The following FOXP2 variants were observed in gnomAD, a reference collection of about 807,000 sequenced individuals.
The protein encoded by FOXP2 is forkhead box protein P2.
Under a neutral mutation model 115.8 loss-of-function variants are expected in FOXP2, and 12 were observed. The ratio of observed to expected loss-of-function variants is 0.10; its 90% CI spans 0.07 to 0.17. The LOEUF is 0.17. FOXP2 is among the 10% of genes least tolerant of loss of function. The probability of loss-of-function intolerance (pLI) is 1.00; values close to 1 mark genes in which losing one functional copy is unlikely to be tolerated. For synonymous variants in FOXP2, 328 were observed against 297.7 expected, an observed-to-expected ratio of 1.10 and a Z score of -1.05; for missense variants, 629 against 843.5, an observed-to-expected ratio of 0.75 and a Z score of 3.15.
In FOXP2 at chr7:114,426,665, C is replaced by T. The variant is rs1258244121; in HGVS notation, c.154C>T (p.Leu52=). ...AGTAAGCACAGTAGAACTGCTGCAT[C>T]TGCAACAACAGCAGGTAAGTTTTGT... ...SEVSTVELLH[L]QQQQALQAAR... The change falls in exon 2 of 17, where the codon CTG becomes TTG. Residue 52 remains leucine, a synonymous_variant. Coordinates refer to ENST00000350908, the MANE Select transcript of FOXP2 (RefSeq NM_014491.4). 6 of 1,611,082 alleles carry T rather than the reference C, an allele frequency of 3.7e-6. No individual in the cohort carries two copies. The Admixed American group carries it at 1.0e-4, about 27-fold the overall frequency.
chr7:114,434,989 C>A (rs1020730195), intron 2 of FOXP2, among the ~76,000 whole-genome samples: 2 of 152,122 alleles, frequency 1.3e-5, no homozygotes, highest in African/African-American at 2.4e-5. Flanking sequence ...CCCAAAATGT[C>A]CCACCTTATT....
Position 114,644,714 on chromosome 7 carries a change from A to C in FOXP2, c.1019A>C (p.His340Pro). The C allele has an allele frequency of 6.2e-7, 1 of 1,613,880 alleles. No homozygotes were observed. Among genetic ancestry groups the C allele is most frequent in the Non-Finnish European group, 8.5e-7 (1 of 1,179,916 alleles). Residue 340 changes from histidine to proline, a missense_variant, in exon 8 of 17, where the codon CAC (histidine) becomes CCC (proline). This residue lies in a region of FOXP2 where 92 missense variants were observed against 80.1 expected (regional missense o/e 1.15). Transcript: ENST00000350908. Reference protein sequence around the residue: ...SSSHEETGASHTLYGHGVCKW... With the variant: ...SSSHEETGASPTLYGHGVCKW... ...TCACATGAGGAGACTGGGGCCTCTCACACTCTCTATGGCCATGGAGTTTGC... is the reference window on the plus strand; with the variant it reads ...TCACATGAGGAGACTGGGGCCTCTCCCACTCTCTATGGCCATGGAGTTTGC...
rs761174159 is a variant in FOXP2 at position 114,631,642 on chromosome 7, C to T, written c.712C>T (p.Arg238Cys). The change falls in exon 6 of 17, where the codon CGT becomes TGT. Residue 238 changes from arginine (R) to cysteine (C), a missense_variant. By Grantham distance (180) the Arg-to-Cys change is radical (BLOSUM62 -3). Coordinates refer to ENST00000350908, the MANE Select transcript of FOXP2 (RefSeq NM_014491.4). ...QQQQHLLSLQ[R>C]QGLISIPPGQ... ...GCAGCAGCATCTGCTCAGCCTTCAG[C>T]GTCAGGGACTCATCTCCATTCCACC... 1.9e-6 allele frequency: 3 copies of T among 1,614,102 alleles called. No individual in the cohort carries two copies. The highest frequency in any genetic ancestry group is 1.7e-5 in the Admixed American group (1 of 60,002).
chr7:114,123,640 C>T (rs1220553672), intron 1 of FOXP2, among the ~76,000 whole-genome samples: 4 of 151,982 alleles, frequency 2.6e-5, no homozygotes, highest in Non-Finnish European at 5.9e-5. Flanking sequence ...CTGGTTCTCT[C>T]TGACTAGTTA....
At chr7:114,119,411 A>G (rs1224594121) in intron 1 of FOXP2, among the ~76,000 whole-genome samples, 2 of 152,152 alleles carry the variant, frequency 1.3e-5, no homozygotes. Flanking sequence ...TTTATCTATC[A>G]GTTATTTCCA....
Position 114,691,838 on chromosome 7 carries a change from A to G in FOXP2, c.*1912A>G. On this transcript the variant is annotated 3_prime_UTR_variant, in exon 17 of 17. Coordinates refer to ENST00000350908, the MANE Select transcript of FOXP2 (RefSeq NM_014491.4). ...AGCAAATAGAGTTAGAGAGATACCCAGTCATCTATCACACCAAATAAAAGG... is the reference window on the plus strand; with the variant it reads ...AGCAAATAGAGTTAGAGAGATACCCGGTCATCTATCACACCAAATAAAAGG... 1 of 453,362 alleles carries G rather than the reference A, an allele frequency of 2.2e-6. No homozygotes were observed. The highest frequency in any genetic ancestry group is 1.6e-5 in the South Asian group (1 of 64,230). The allele number at this position is 453,362 out of a possible 1,614,324, so 28.1% of individuals were successfully genotyped here.
chr7:114,535,063 G>A (rs1305437204), intron 3 of FOXP2, among the ~76,000 whole-genome samples: 1 of 151,666 alleles, frequency 6.6e-6, no homozygotes, highest in Non-Finnish European at 1.5e-5. Context: ...TGGTGTGGAA[G>A]GAAACAAAGA....
At chr7:114,597,135 T>G (rs1802766012) in intron 3 of FOXP2, among the ~76,000 whole-genome samples, 1 of 152,102 alleles carries the variant, frequency 6.6e-6, no homozygotes, top group Non-Finnish European at 1.5e-5. Context: ...AAACTTAAGA[T>G]GACAATCTGT....
chr7:114,438,338 A>G (rs990734239), intron 2 of FOXP2, among the ~76,000 whole-genome samples: 6 of 152,160 alleles, frequency 3.9e-5, no homozygotes, highest in Non-Finnish European at 5.9e-5. Context: ...CAGGTCCCCT[A>G]TAAAAGAGAA....
At position 114,179,511 on chromosome 7, in the gene FOXP2, C is replaced by T. The variant is rs959029208; in HGVS notation, c.-102+16423C>T. Among the ~76,000 whole-genome samples, 23 of 152,032 alleles carry T rather than the reference C, an allele frequency of 1.5e-4. 1 individual carries two copies. Among genetic ancestry groups the T allele is most frequent in the South Asian group, 6.2e-4 (3 of 4,824 alleles). On this transcript the variant is annotated intron_variant, in intron 1 of 17. Transcript: ENST00000634411. ...TTTTCAATGCATAGAGTAGTGCTGG[C>T]ATGCGGTCTGCCCTTAATAAAAATA...
chr7:114,206,605 G>C (rs1019244546), intron 1 of FOXP2, among the ~76,000 whole-genome samples: 4 of 151,960 alleles, frequency 2.6e-5, no homozygotes, highest in African/African-American at 9.7e-5. Flanking sequence ...ATTACAAACT[G>C]TAATTATCTT....
intron 2 of FOXP2, among the ~76,000 whole-genome samples, chr7:114,367,061 T>C (rs1376074950): frequency 6.6e-6 from 1 of 152,098 alleles, no homozygotes; most frequent in South Asian, 2.1e-4. Context: ...TAACTTACAA[T>C]ATGTATGTTT....
intron 1 of FOXP2, among the ~76,000 whole-genome samples, chr7:114,276,189 C>T (rs961686816): frequency 2.0e-5 from 3 of 152,100 alleles, no homozygotes; most frequent in Admixed American, 2.0e-4. Context: ...GACAGAGTCT[C>T]ACTCTTTCAC....
At chr7:114,440,383 A>C (rs1052537506) in intron 2 of FOXP2, among the ~76,000 whole-genome samples, 2 of 152,208 alleles carry the variant, frequency 1.3e-5, no homozygotes, top group Admixed American at 1.3e-4. Context: ...GGCTACTATA[A>C]TGTATGAGTG....
intron 3 of FOXP2, among the ~76,000 whole-genome samples, chr7:114,593,713 C>T (rs1192886916): frequency 6.6e-6 from 1 of 151,966 alleles, no homozygotes; most frequent in Non-Finnish European, 1.5e-5. Context: ...TAACACATCT[C>T]TGTGAAACAC....
chr7:114,206,616 G>C (rs1257959293), intron 1 of FOXP2, among the ~76,000 whole-genome samples: 1 of 151,882 alleles, frequency 6.6e-6, no homozygotes, highest in Non-Finnish European at 1.5e-5. Context: ...TAATTATCTT[G>C]CTTATTTAAT....
At chr7:114,201,907 C>T (rs1032814680) in intron 1 of FOXP2, among the ~76,000 whole-genome samples, 1 of 152,108 alleles carries the variant, frequency 6.6e-6, no homozygotes, top group Non-Finnish European at 1.5e-5. Flanking sequence ...AGTACAAATG[C>T]CTTGTCAGTT....
rs571091703 is a variant in FOXP2, at chr7:114,591,609, A to G, written c.259-36931A>G. On this transcript the variant is annotated intron_variant, in intron 3 of 16. Transcript: ENST00000350908. ...TCTGCTCATGGGTCTGTCATGTGCT[A>G]TGTGTATGACCTCAGGGAAGGCATT... 6.6e-5 allele frequency among the ~76,000 whole-genome samples: 10 copies of G among 152,044 alleles called. No individual in the cohort carries two copies. The East Asian group carries it at 1.9e-3, about 29-fold the overall frequency.
intron 2 of FOXP2, among the ~76,000 whole-genome samples, chr7:114,511,826 A>C (rs924784186): frequency 1.8e-4 from 27 of 152,106 alleles, no homozygotes; most frequent in African/African-American, 6.5e-4. Context: ...GGTTATGTTT[A>C]ATTGCTAAAA....
Sources: allele counts gnomAD v4.1 joint callset (sites outside exome capture counted in the v4.1 genomes callset), GRCh38; gene constraint gnomAD v4.1.1; regional missense constraint gnomAD v4.1.1; transcripts MANE v1.5; gene names NCBI Gene and HGNC (gene_info 2026-07-23, HGNC 2026-07-21).